The following SLC12A5 variants were observed in gnomAD, a reference collection of about 807,000 sequenced individuals.
SLC12A5 encodes the protein solute carrier family 12 member 5.
A neutral mutation model predicts 124.0 loss-of-function variants in SLC12A5; 18 were observed. The observed-to-expected ratio is 0.15, with a 90% CI of 0.10 to 0.22. The LOEUF is 0.22. Among genes scored for constraint, SLC12A5 ranks in the 10% least tolerant of loss-of-function variants. The pLI is 1.00. For missense variants in SLC12A5, 867 were observed against 1,478.7 expected (o/e 0.59, Z 6.78); for synonymous variants, 589 against 568.0 (o/e 1.04, Z -0.53).
In SLC12A5 at chr20:46,051,756, TC is replaced by T; in HGVS notation, c.2266del (p.His756IlefsTer2). The T allele has an allele frequency of 6.2e-7, 1 of 1,611,528 alleles. No homozygotes were observed. Among genetic ancestry groups the T allele is most frequent in the Non-Finnish European group, 8.5e-7 (1 of 1,178,808 alleles). On this transcript the variant is annotated frameshift_variant, in exon 18 of 26. Transcript: ENST00000243964. LOFTEE classifies it high-confidence loss of function. ...VISSNLRDGV[S>X]HLIQSGGLGG... Reference sequence around the variant, plus strand: ...CTCCTCCAACTTGCGTGATGGCGTGTCCCATCTGATCCAGTCCGGGGGCCTC... The same window carrying T: ...CTCCTCCAACTTGCGTGATGGCGTGTCCATCTGATCCAGTCCGGGGGCCTC...
At position 46,058,122 on chromosome 20, in the gene SLC12A5, A is replaced by T. The variant is rs1312862156; in HGVS notation, c.*517A>T. 1 of 185,798 alleles carries T rather than the reference A, an allele frequency of 5.4e-6. No homozygotes were observed. The highest frequency in any genetic ancestry group is 2.3e-5 in the African/African-American group (1 of 42,826). The allele number at this position is 185,798 out of a possible 1,614,324, so 11.5% of individuals were successfully genotyped here. On this transcript the variant is annotated 3_prime_UTR_variant, in exon 26 of 26. Coordinates refer to ENST00000243964, the MANE Select transcript of SLC12A5 (RefSeq NM_020708.5). The surrounding 1 kb of genome is among the most constrained non-coding windows in gnomAD (Gnocchi z 5.8). ...GGCGCGGGCGGCCGAGCCTATACAT[A>T]GTGTACAGGAGACATCGCGTGTATT... is the stretch of plus-strand genomic sequence containing the variant.
intron 1 of SLC12A5, among the ~76,000 whole-genome samples, chr20:46,030,221 CG>C (rs923457362): frequency 2.1e-5 from 3 of 143,128 alleles, no homozygotes; most frequent in East Asian, 2.4e-4. Flanking sequence ...CAGGGCGGGG[CG>C]GGGGGGAGTC....
At chr20:46,028,095 AG>A (rs2145471731), upstream of SLC12A5, among the ~76,000 whole-genome samples, 1 of 152,264 alleles carries the variant, frequency 6.6e-6, no homozygotes, top group Admixed American at 6.5e-5. Context: ...CCTGGACTCT[AG>A]GGGCTCTGAG....
At chr20:46,051,311 G>A (rs1464182700) in intron 17 of SLC12A5, among the ~76,000 whole-genome samples, 1 of 152,204 alleles carries the variant, frequency 6.6e-6, no homozygotes, top group Non-Finnish European at 1.5e-5. Flanking sequence ...GTCTGGGTGG[G>A]GGTGGTATCT....
At chr20:46,035,670 G>T (rs1477304237) in intron 3 of SLC12A5, 107 bp from the exon 4 acceptor site, 37 of 1,515,226 alleles carry the variant, frequency 2.4e-5, no homozygotes, top group Admixed American at 4.0e-5. Flanking sequence ...GAAGGGTTGA[G>T]AATAGAGAGA....
intron 16 of SLC12A5, among the ~76,000 whole-genome samples, chr20:46,048,347 T>A (rs2084617135): frequency 6.6e-6 from 1 of 152,172 alleles, no homozygotes; most frequent in Non-Finnish European, 1.5e-5. Context: ...ATTCATTTCA[T>A]CATTTCCATC....
Position 46,035,732 on chromosome 20 carries a change from C to T in SLC12A5, c.280-45C>T, listed in dbSNP as rs3746515. 0.15 allele frequency: 241,768 copies of T among 1,577,580 alleles called. 20,405 individuals are homozygous for T. The highest frequency in any genetic ancestry group is 0.36 in the East Asian group (15,835 of 44,354). On this transcript the variant is annotated intron_variant, in intron 3 of 25. Transcript: ENST00000243964. ...GGAGGAGGAGCACACCTGGGGTGTT[C>T]GTAATGATGAGGACTGCAGAGACTG... is the stretch of plus-strand genomic sequence containing the variant.
intron 17 of SLC12A5, 119 bp from the exon 18 acceptor site, chr20:46,051,556 T>C (rs1223292369): frequency 5.4e-6 from 5 of 929,186 alleles, no homozygotes; most frequent in African/African-American, 1.7e-5. Context: ...TGATCAGAGC[T>C]GAGCTTCAGG....
intron 1 of SLC12A5, among the ~76,000 whole-genome samples, chr20:46,032,504 C>T (rs2084462887): frequency 6.6e-6 from 1 of 152,164 alleles, no homozygotes; most frequent in Non-Finnish European, 1.5e-5. Context: ...TAATAATAAT[C>T]GCAATTGTAA....
rs1489576288 is a variant in SLC12A5, at chr20:46,058,268, CAA to C, written c.*664_*665del. ...GGGAAGCTGAATTTTCCTTGACGTC[CAA>C]GAGTTTGAGAGCGAAAGTGCTTTAG... is the stretch of plus-strand genomic sequence containing the variant. On this transcript the variant is annotated 3_prime_UTR_variant, in exon 26 of 26. Coordinates refer to ENST00000243964, the MANE Select transcript of SLC12A5 (RefSeq NM_020708.5). The surrounding 1 kb of genome is among the most constrained non-coding windows in gnomAD (Gnocchi z 5.8). The C allele has an allele frequency of 2.5e-6, 1 of 393,986 alleles. No homozygotes were observed. The highest frequency in any genetic ancestry group is 4.5e-6 in the Non-Finnish European group (1 of 223,472). 24.4% of individuals were successfully genotyped at this position (393,986 alleles called of 1,614,324 possible).
At position 46,035,710 on chromosome 20, in the gene SLC12A5, G is replaced by A. The variant is rs1397120056; in HGVS notation, c.280-67G>A. ...GAAGGTGGGGGCAGAGAAACATGGAGGAGGAGCACACCTGGGGTGTTCGTA... is the reference window on the plus strand; with the variant it reads ...GAAGGTGGGGGCAGAGAAACATGGAAGAGGAGCACACCTGGGGTGTTCGTA... On this transcript the variant is annotated intron_variant, in intron 3 of 25. Coordinates refer to ENST00000243964, the MANE Select transcript of SLC12A5 (RefSeq NM_020708.5). 1.9e-6 allele frequency: 3 copies of A among 1,557,936 alleles called. No individual in the cohort carries two copies. The African/African-American group carries it at 4.1e-5, about 21-fold the overall frequency.
chr20:46,037,648 C>G (rs989506924), intron 6 of SLC12A5, among the ~76,000 whole-genome samples: 9 of 152,334 alleles, frequency 5.9e-5, no homozygotes, highest in Admixed American at 1.3e-4. Flanking sequence ...TCCAGCCATT[C>G]TCTTGTATCC....
chr20:46,040,701 C>T, intron 7 of SLC12A5, 87 bp downstream of exon 7: 1 of 1,558,026 alleles, frequency 6.4e-7, no homozygotes, highest in Non-Finnish European at 8.7e-7. Flanking sequence ...CCCCTCCCTG[C>T]CCCTCAGAAT....
chr20:46,057,291 G>A lies in SLC12A5; in HGVS notation c.3247G>A (p.Gly1083Ser). The A allele has an allele frequency of 6.2e-7, 1 of 1,614,174 alleles. No homozygotes were observed. The highest frequency in any genetic ancestry group is 8.5e-7 in the Non-Finnish European group (1 of 1,180,032). ...GCCTGGGCCTCCCCGCAACCGCAATGGTGATGAAAACTGTATCCTGGAATT... is the reference window on the plus strand; with the variant it reads ...GCCTGGGCCTCCCCGCAACCGCAATAGTGATGAAAACTGTATCCTGGAATT... ...NMPGPPRNRNGDENYMEFLEV... is the reference protein window; with the variant it reads ...NMPGPPRNRNSDENYMEFLEV... Residue 1083 changes from glycine (G) to serine (S), a missense_variant, in exon 25 of 26, where the codon GGT becomes AGT. Physicochemically the swap from Gly to Ser is moderately conservative, Grantham distance 56. Transcript: ENST00000243964. The surrounding 1 kb of genome is among the most constrained non-coding windows in gnomAD (Gnocchi z 7.1).
chr20:46,043,785 C>G, intron 10 of SLC12A5, 54 bp downstream of exon 10: 1 of 1,612,602 alleles, frequency 6.2e-7, no homozygotes, highest in Non-Finnish European at 8.5e-7. Flanking sequence ...AGAGGGAGGG[C>G]AGCTGAACTT....
chr20:46,038,390 G>C (rs777762710), intron 6 of SLC12A5: 3 of 152,012 alleles, frequency 2.0e-5, no homozygotes, highest in Admixed American at 6.6e-5. Context: ...GTCTCACTAT[G>C]TTGCTCAGGC....
At chr20:46,034,517 G>A (rs1311364066) in intron 1 of SLC12A5, among the ~76,000 whole-genome samples, 2 of 152,136 alleles carry the variant, frequency 1.3e-5, no homozygotes, top group African/African-American at 4.8e-5. Flanking sequence ...TGAATAAAGG[G>A]CATAGGAGAT....
At chr20:46,021,961 GA>G in intron 1 of SLC12A5, 1 of 1,407,858 alleles carries the variant, frequency 7.1e-7, no homozygotes, top group Non-Finnish European at 9.3e-7. Flanking sequence ...ACCGTCTGTT[GA>G]AGGGGGCAGG....
Position 46,032,467 on chromosome 20 carries a change from C to T in SLC12A5, c.53-2481C>T, listed in dbSNP as rs140888894. ...GCGGCTGGAGATGTGGGATGGGGAG[C>T]CCCGGCTGGGTGGGCACCAAGTATG... is the stretch of plus-strand genomic sequence containing the variant. On this transcript the variant is annotated intron_variant, in intron 1 of 25. Coordinates refer to ENST00000243964, the MANE Select transcript of SLC12A5 (RefSeq NM_020708.5). Among the ~76,000 whole-genome samples, 680 of 152,318 alleles carry T rather than the reference C, an allele frequency of 4.5e-3. 4 individuals carry two copies. Among genetic ancestry groups the T allele is most frequent in the Non-Finnish European group, 7.2e-3 (488 of 68,028 alleles).
Sources: gnomAD v4.1 joint callset for allele counts (sites outside exome capture counted in the v4.1 genomes callset) on GRCh38, gnomAD v4.1.1 for gene constraint, Gnocchi (gnomAD v3.1) non-coding constraint, MANE v1.5 for transcripts, NCBI Gene and HGNC (gene_info 2026-07-23, HGNC 2026-07-21) for gene names.